The following CSMD3 variants were observed in gnomAD, a reference collection of about 807,000 sequenced individuals.
CSMD3 encodes the protein CUB and sushi domain-containing protein 3.
A neutral mutation model predicts 435.2 loss-of-function variants in CSMD3; 177 were observed. That is an observed-to-expected ratio of 0.41 (90% CI 0.36 to 0.46). CSMD3 has a LOEUF of 0.46. CSMD3 is among the 20% of genes least tolerant of loss of function. CSMD3 has a pLI of 0.34. For missense variants in CSMD3, 4,265 were observed against 4,504.6 expected, an observed-to-expected ratio of 0.95 and a Z score of 1.52; for synonymous variants, 1,656 against 1,520.5, an observed-to-expected ratio of 1.09 and a Z score of -2.07.
chr8:112,753,512 G>A (rs931566145), intron 13 of CSMD3, among the ~76,000 whole-genome samples: 11 of 152,214 alleles, frequency 7.2e-5, no homozygotes, highest in African/African-American at 2.4e-4. Context: ...ATTAAATTGG[G>A]AAGAGAAGGC....
At chr8:112,283,880 G>C (rs1358454534) in intron 58 of CSMD3, among the ~76,000 whole-genome samples, 3 of 151,734 alleles carry the variant, frequency 2.0e-5, no homozygotes, top group Non-Finnish European at 4.4e-5. Context: ...TTTCAAAATA[G>C]CTAGAAGTGA....
chr8:112,440,338 C>A (rs914850643), intron 32 of CSMD3, among the ~76,000 whole-genome samples: 2 of 152,274 alleles, frequency 1.3e-5, no homozygotes, highest in South Asian at 4.1e-4. Flanking sequence ...GTTGGATTCC[C>A]ATATCCCTGG....
chr8:112,745,546 C>T (rs941590182), intron 13 of CSMD3, among the ~76,000 whole-genome samples: 1 of 151,892 alleles, frequency 6.6e-6, no homozygotes, highest in African/African-American at 2.4e-5. Flanking sequence ...GATAAAGTTA[C>T]CCAGCATATT....
chr8:112,623,734 T>C (rs1376620395), intron 22 of CSMD3, among the ~76,000 whole-genome samples: 4 of 151,514 alleles, frequency 2.6e-5, no homozygotes, highest in African/African-American at 4.8e-5. Flanking sequence ...TGAATTATAT[T>C]GATTTAATTT....
At chr8:112,346,766 C>T (rs572304930) in intron 40 of CSMD3, among the ~76,000 whole-genome samples, 1 of 149,260 alleles carries the variant, frequency 6.7e-6, no homozygotes, top group South Asian at 2.1e-4. Context: ...GCAAGCTCCG[C>T]CTCCCGGGTT....
At chr8:112,852,009 G>C (rs931416013) in intron 11 of CSMD3, among the ~76,000 whole-genome samples, 1 of 152,054 alleles carries the variant, frequency 6.6e-6, no homozygotes, top group Admixed American at 6.6e-5. Flanking sequence ...AGCAGTGAGG[G>C]AGCCAGGAGC....
rs1825123227 is a variant in CSMD3 at position 112,341,606 on chromosome 8, T to C, written c.6523A>G (p.Ser2175Gly). The C allele has an allele frequency of 5.0e-6, 8 of 1,613,090 alleles. No homozygotes were observed. Among genetic ancestry groups the C allele is most frequent in the Non-Finnish European group, 6.8e-6 (8 of 1,179,100 alleles). The change falls in exon 42 of 71, where the codon AGT becomes GGT. Residue 2175 changes from serine (S) to glycine (G), a missense_variant. By Grantham distance (56) the Ser-to-Gly change is moderately conservative (BLOSUM62 0). Transcript: ENST00000297405. ...LEVRSGSSET[S>G]TVIGRLSGPQ... ...CCACTAAGCCGGCCAATAACAGTAC[T>C]AGTTTCTGAGGATCCACTTCGTACT...
At chr8:112,667,375 C>T (rs1727016430) in intron 16 of CSMD3, among the ~76,000 whole-genome samples, 1 of 152,116 alleles carries the variant, frequency 6.6e-6, no homozygotes, top group African/African-American at 2.4e-5. Context: ...TTACCATTTA[C>T]TCCCATATCC....
At chr8:112,231,303 G>C (rs1256634801) in intron 69 of CSMD3, among the ~76,000 whole-genome samples, 1 of 152,152 alleles carries the variant, frequency 6.6e-6, no homozygotes. Context: ...AGGCAAGCCA[G>C]TTTGTCATAT....
chr8:113,222,839 G>A (rs932618164), intron 3 of CSMD3, among the ~76,000 whole-genome samples: 2 of 150,798 alleles, frequency 1.3e-5, no homozygotes, highest in South Asian at 4.2e-4. Context: ...CAAAGAAATT[G>A]GAATTTTTGT....
At chr8:112,678,236 G>C (rs1016785113) in intron 16 of CSMD3, among the ~76,000 whole-genome samples, 1 of 152,150 alleles carries the variant, frequency 6.6e-6, no homozygotes, top group African/African-American at 2.4e-5. Flanking sequence ...CTACCATCCA[G>C]TCTAGTGGCA....
At chr8:112,931,316 T>C (rs2083099817) in intron 9 of CSMD3, among the ~76,000 whole-genome samples, 1 of 152,042 alleles carries the variant, frequency 6.6e-6, no homozygotes, top group Admixed American at 6.6e-5. Flanking sequence ...ACTTTGGAAT[T>C]AATGTCTCTT....
At chr8:112,614,165 C>A (rs1160461332) in intron 22 of CSMD3, among the ~76,000 whole-genome samples, 1 of 152,018 alleles carries the variant, frequency 6.6e-6, no homozygotes, top group African/African-American at 2.4e-5. Flanking sequence ...GAGGGAATAG[C>A]AAATACAGGG....
intron 23 of CSMD3, among the ~76,000 whole-genome samples, chr8:112,584,703 T>C (rs578016605): frequency 6.2e-4 from 94 of 151,526 alleles, no homozygotes; most frequent in African/African-American, 2.2e-3. Context: ...ATATAATCAA[T>C]GCTACCACAT....
At chr8:112,601,125 C>G (rs944211040) in intron 22 of CSMD3, among the ~76,000 whole-genome samples, 2 of 151,662 alleles carry the variant, frequency 1.3e-5, no homozygotes, top group African/African-American at 4.8e-5. Context: ...AAATATACTT[C>G]TTTTATCTAA....
chr8:113,194,580 T>C (rs2092629360), intron 3 of CSMD3, among the ~76,000 whole-genome samples: 4 of 151,358 alleles, frequency 2.6e-5, no homozygotes, highest in African/African-American at 9.7e-5. Context: ...TATAAATTTA[T>C]TGATAGTAAC....
chr8:112,681,071 T>C lies in CSMD3; in HGVS notation c.2677+1371A>G, dbSNP rs1253125131. ...TTTTTTTTAAGACAGAGTCTTGCTCTATCACCAGGCTGGAGTGCAGTGGCG... is the reference window on the plus strand; with the variant it reads ...TTTTTTTTAAGACAGAGTCTTGCTCCATCACCAGGCTGGAGTGCAGTGGCG... On this transcript the variant is annotated intron_variant, in intron 16 of 70. Transcript: ENST00000297405. Among the ~76,000 whole-genome samples the C allele has an allele frequency of 2.6e-5, 4 of 151,074 alleles. No individual in the cohort carries two copies. In the East Asian group the frequency reaches 7.8e-4, roughly 29 times the overall value.
intron 32 of CSMD3, 79 bp from the exon 33 acceptor site, chr8:112,409,111 A>G (rs2130082280): frequency 6.2e-7 from 1 of 1,600,424 alleles, no homozygotes; most frequent in East Asian, 2.3e-5. Context: ...AAATAGAAAG[A>G]GGAGGAGAGA....
At chr8:112,716,325 T>C (rs567702346) in intron 13 of CSMD3, among the ~76,000 whole-genome samples, 4 of 152,076 alleles carry the variant, frequency 2.6e-5, no homozygotes, top group African/African-American at 9.7e-5. Flanking sequence ...CCATTCACAA[T>C]TGCTACGAAG....
Sources: allele counts gnomAD v4.1 joint callset (sites outside exome capture counted in the v4.1 genomes callset), GRCh38; gene constraint gnomAD v4.1.1; transcripts MANE v1.5; gene names NCBI Gene and HGNC (gene_info 2026-07-23, HGNC 2026-07-21).